ATP8B4: variants seen among roughly 807,000 people sequenced by gnomAD.
ATP8B4 encodes the protein ATPase phospholipid transporting 8B4 (putative), also known as probable phospholipid-transporting ATPase IM.
ATP8B4 carries 133 observed loss-of-function variants against 145.6 expected under a neutral mutation model. That is an observed-to-expected ratio of 0.91 (90% CI 0.79 to 1.05). The LOEUF is 1.05. ATP8B4 is among the 50% of genes least tolerant of loss of function. The pLI is 0.00. For missense variants in ATP8B4, 1,458 were observed against 1,425.2 expected (o/e 1.02, Z -0.37); for synonymous variants, 507 against 492.9 (o/e 1.03, Z -0.38).
At chr15:49,874,600 G>T (rs1057110733) in intron 25 of ATP8B4, among the ~76,000 whole-genome samples, 14 of 152,140 alleles carry the variant, frequency 9.2e-5, no homozygotes, top group African/African-American at 3.1e-4. Flanking sequence ...GGGGCTAATG[G>T]TTACTTTGAG....
chr15:49,908,890 T>C (rs1436108778), intron 20 of ATP8B4, among the ~76,000 whole-genome samples: 1 of 152,080 alleles, frequency 6.6e-6, no homozygotes, highest in Admixed American at 6.5e-5. Flanking sequence ...TACATATAGC[T>C]GCCACCTACA....
At chr15:49,915,320 C>T (rs28459077) in intron 20 of ATP8B4, among the ~76,000 whole-genome samples, 40,324 of 151,784 alleles carry the variant, frequency 0.27, 5,476 homozygotes, top group East Asian at 0.44. Flanking sequence ...GGTGGGAATG[C>T]GGGGGATGAA....
chr15:50,015,991 G>A (rs930202362), intron 6 of ATP8B4, among the ~76,000 whole-genome samples: 1 of 152,126 alleles, frequency 6.6e-6, no homozygotes, highest in Admixed American at 6.6e-5. Context: ...GCTATAGCAT[G>A]GAGAATTTAG....
chr15:50,047,767 T>C (rs1238957896), intron 3 of ATP8B4, among the ~76,000 whole-genome samples: 2 of 152,216 alleles, frequency 1.3e-5, no homozygotes, highest in African/African-American at 4.8e-5. Flanking sequence ...GAGTACCTAC[T>C]GTATGCAGTA....
At chr15:50,047,110 A>G (rs1298631479) in intron 4 of ATP8B4, among the ~76,000 whole-genome samples, 1 of 152,212 alleles carries the variant, frequency 6.6e-6, no homozygotes, top group Non-Finnish European at 1.5e-5. Context: ...TTTGGTTCAA[A>G]TAAAGTGCAA....
intron 20 of ATP8B4, among the ~76,000 whole-genome samples, chr15:49,902,559 C>T (rs1310191292): frequency 1.3e-5 from 2 of 152,234 alleles, no homozygotes; most frequent in African/African-American, 4.8e-5. Context: ...AATCATATCA[C>T]ACATTTAACA....
intron 6 of ATP8B4, among the ~76,000 whole-genome samples, chr15:50,022,157 A>AC (rs10626193): frequency 7.9e-5 from 3 of 37,856 alleles, no homozygotes; most frequent in African/African-American, 1.1e-3. Flanking sequence ...TATTTGCCAC[A>AC]AAAAAATGCA....
chr15:49,953,981 T>C (rs1453516732), intron 14 of ATP8B4, among the ~76,000 whole-genome samples: 8 of 152,138 alleles, frequency 5.3e-5, no homozygotes, highest in African/African-American at 1.9e-4. Flanking sequence ...TGCTCTTCCT[T>C]CTCTCCGTGG....
chr15:50,114,103 C>CTTTTTTTGTTTTTT, intron 1 of ATP8B4, among the ~76,000 whole-genome samples: 1 of 55,644 alleles, frequency 1.8e-5, no homozygotes, highest in Non-Finnish European at 3.1e-5. Flanking sequence ...CTCCTAGTTT[C>CTTTTTTTGTTTTTT]TTTTTTTTTT....
intron 23 of ATP8B4, among the ~76,000 whole-genome samples, chr15:49,893,404 G>A (rs1051585465): frequency 1.3e-5 from 2 of 152,168 alleles, no homozygotes; most frequent in Admixed American, 6.5e-5. Flanking sequence ...CAACCCAAAT[G>A]TCCATAGATG....
At chr15:49,945,820 CA>C (rs1031685305) in intron 14 of ATP8B4, among the ~76,000 whole-genome samples, 4 of 152,018 alleles carry the variant, frequency 2.6e-5, no homozygotes, top group Non-Finnish European at 4.4e-5. Flanking sequence ...AAGAAACTCT[CA>C]ACAAAAAAGA....
At chr15:49,872,185 T>C (rs2033764801) in intron 25 of ATP8B4, among the ~76,000 whole-genome samples, 1 of 152,230 alleles carries the variant, frequency 6.6e-6, no homozygotes, top group South Asian at 2.1e-4. Context: ...CAGATGCCTT[T>C]ATTAAAGAAC....
chr15:49,903,423 A>G (rs2038264849), intron 20 of ATP8B4, among the ~76,000 whole-genome samples: 1 of 152,250 alleles, frequency 6.6e-6, no homozygotes, highest in South Asian at 2.1e-4. Context: ...GGCATGCAGA[A>G]TCGCATTAAC....
chr15:49,872,684 G>A (rs577207942), intron 25 of ATP8B4, among the ~76,000 whole-genome samples: 20 of 152,140 alleles, frequency 1.3e-4, no homozygotes, highest in Non-Finnish European at 2.9e-4. Flanking sequence ...CTGGTGACCA[G>A]TCTTCAAAAG....
chr15:49,866,773 G>C (rs1018089981), intron 25 of ATP8B4, among the ~76,000 whole-genome samples: 1 of 152,218 alleles, frequency 6.6e-6, no homozygotes, highest in Non-Finnish European at 1.5e-5. Flanking sequence ...TCTTTTAAGT[G>C]AGAAATATGA....
chr15:50,024,283 T>C (rs1480726654), intron 6 of ATP8B4, among the ~76,000 whole-genome samples: 1 of 151,760 alleles, frequency 6.6e-6, no homozygotes, highest in Non-Finnish European at 1.5e-5. Flanking sequence ...TAACTGAGCC[T>C]AGAAAGAAAA....
chr15:50,173,273 A>C (rs2044714530), intron 1 of ATP8B4, among the ~76,000 whole-genome samples: 1 of 152,232 alleles, frequency 6.6e-6, no homozygotes, highest in Non-Finnish European at 1.5e-5. Context: ...TGTGGGGAAA[A>C]GAAAGAGAAA....
chr15:49,863,646 T>C (rs1221938950), intron 26 of ATP8B4, among the ~76,000 whole-genome samples: 1 of 152,160 alleles, frequency 6.6e-6, no homozygotes, highest in Non-Finnish European at 1.5e-5. Context: ...GGAATCTGCC[T>C]ACCCAAGAGC....
chr15:49,903,415 C>T (rs1004268663), intron 20 of ATP8B4, among the ~76,000 whole-genome samples: 7 of 152,208 alleles, frequency 4.6e-5, no homozygotes, highest in African/African-American at 1.7e-4. Context: ...CAATTCTTGG[C>T]ATGCAGAATC....
Sources: gnomAD v4.1 joint callset for allele counts (sites outside exome capture counted in the v4.1 genomes callset) on GRCh38, gnomAD v4.1.1 for gene constraint, MANE v1.5 for transcripts, NCBI Gene and HGNC (gene_info 2026-07-23, HGNC 2026-07-21) for gene names.